DOK7: variants seen among roughly 807,000 people sequenced by gnomAD.
DOK7 encodes docking protein 7.
A neutral mutation model predicts 30.7 loss-of-function variants in DOK7; 32 were observed. The observed-to-expected ratio is 1.04, with a 90% confidence interval of 0.79 to 1.40. The LOEUF is 1.40. Ranked by LOEUF, DOK7 falls within the 40% of genes most tolerant of loss-of-function variation. DOK7 has a pLI of 0.00. For synonymous variants in DOK7, 447 were observed against 324.1 expected (o/e 1.38, Z -4.07); for missense variants, 1,007 against 699.2 (o/e 1.44, Z -4.97).
rs1442105588 is a variant in DOK7 at position 3,494,203 on chromosome 4, G to A, written c.*702G>A. 1 of 985,568 alleles carries A rather than the reference G, an allele frequency of 1.0e-6. No individual in the cohort carries two copies. Among genetic ancestry groups the A allele is most frequent in the Non-Finnish European group, 1.2e-6 (1 of 830,016 alleles). 61.1% of individuals were successfully genotyped at this position (985,568 alleles called of 1,614,324 possible). On this transcript the variant is annotated 3_prime_UTR_variant, in exon 7 of 7. Transcript: ENST00000340083. The stretch of plus-strand genomic sequence containing the variant: ...GAGAGGCGCCGTGCCTCGGGCCCCT[G>A]GTGGGAGCTCTGCTGGCTCCTGTCT...
intron 4 of DOK7, among the ~76,000 whole-genome samples, chr4:3,482,929 C>T (rs1727520925): frequency 6.6e-6 from 1 of 152,032 alleles, no homozygotes. Context: ...CCAGAGGAGG[C>T]GTCCGTGAGA....
At chr4:3,496,264 C>T (rs926466635), downstream of DOK7, among the ~76,000 whole-genome samples, 1 of 152,214 alleles carries the variant, frequency 6.6e-6, no homozygotes, top group Admixed American at 6.5e-5. Context: ...AGAAGGTCGC[C>T]TGCAGTGTCA....
At chr4:3,469,675 C>T (rs1024351555) in intron 2 of DOK7, among the ~76,000 whole-genome samples, 29 of 152,332 alleles carry the variant, frequency 1.9e-4, no homozygotes, top group African/African-American at 4.8e-4. Context: ...AGAGCCGCTG[C>T]GTCCTGGGGC....
intron 4 of DOK7, among the ~76,000 whole-genome samples, chr4:3,481,690 C>T (rs1324253410): frequency 6.6e-6 from 1 of 152,150 alleles, no homozygotes; most frequent in African/African-American, 2.4e-5. Flanking sequence ...CTGGTCACCC[C>T]GATGTTTGTT....
rs1245660714 is a variant in DOK7 at position 3,493,699 on chromosome 4, G to C, written c.*198G>C. On this transcript the variant is annotated 3_prime_UTR_variant, in exon 7 of 7. Transcript: ENST00000340083. The stretch of plus-strand genomic sequence containing the variant: ...GGCTGACTTGGGGAGGTGAGTTCTG[G>C]AAGGCAGGGGCTCTGGGTCCGGCAG... 2 of 1,437,232 alleles carry C rather than the reference G, an allele frequency of 1.4e-6. No homozygotes were observed. The highest frequency in any genetic ancestry group is 2.5e-5 in the East Asian group (1 of 39,684). 89.0% of individuals were successfully genotyped at this position (1,437,232 alleles called of 1,614,324 possible).
rs946069461 is a variant in DOK7 at position 3,494,266 on chromosome 4, G to C, written c.*765G>C. The C allele has an allele frequency of 2.5e-5, 25 of 985,440 alleles. No homozygotes were observed. The South Asian group carries it at 1.1e-3, about 44-fold the overall frequency. 61.0% of individuals were successfully genotyped at this position (985,440 alleles called of 1,614,324 possible). On this transcript the variant is annotated 3_prime_UTR_variant, in exon 7 of 7. Transcript: ENST00000340083. ...AGGGCCAAAGGCTGGCTTGGCCTGT[G>C]TTTCCCCTGGCCCAGGCCTCAGCCC...
intron 2 of DOK7, among the ~76,000 whole-genome samples, chr4:3,472,959 A>G (rs1726845921): frequency 6.6e-6 from 1 of 152,210 alleles, no homozygotes; most frequent in South Asian, 2.1e-4. Flanking sequence ...GAGTGGGCAC[A>G]GGTGTGGCTG....
intron 2 of DOK7, among the ~76,000 whole-genome samples, chr4:3,467,645 GGTGA>G (rs943795764): frequency 1.2e-4 from 18 of 152,042 alleles, no homozygotes; most frequent in East Asian, 1.9e-4. Context: ...TGAGCATTTG[GGTGA>G]GTGTGTAAGA....
chr4:3,490,305 C>CCT (rs1209915786), intron 6 of DOK7, among the ~76,000 whole-genome samples: 2 of 98,914 alleles, frequency 2.0e-5, no homozygotes, highest in African/African-American at 7.1e-5. Context: ...TTCCTCCGCC[C>CCT]CCCCGGCTCA....
In DOK7 at chr4:3,493,475, G is replaced by C. The variant is rs751223916; in HGVS notation, c.1489G>C (p.Gly497Arg). 1.7e-5 allele frequency: 27 copies of C among 1,611,038 alleles called. No individual in the cohort carries two copies. Among genetic ancestry groups the C allele is most frequent in the Non-Finnish European group, 2.0e-5 (24 of 1,179,354 alleles). The change falls in exon 7 of 7, where the codon GGA (glycine) becomes CGA (arginine). Residue 497 changes from glycine to arginine, a missense_variant. Transcript: ENST00000340083. ...AFFSACPVCGGLKVNPPP is the reference protein window; with the variant it reads ...AFFSACPVCGRLKVNPPP ...CTTTTCGGCATGTCCAGTCTGTGGA[G>C]GACTCAAGGTAAACCCCCCTCCTTG... is the stretch of plus-strand genomic sequence containing the variant.
chr4:3,494,488 T>C (rs1728785196), downstream of DOK7: 2 of 985,512 alleles, frequency 2.0e-6, no homozygotes, highest in Non-Finnish European at 1.2e-6. Flanking sequence ...CCTTACCACC[T>C]TGTCCTAGTC....
At position 3,493,984 on chromosome 4, in the gene DOK7, C is replaced by G; in HGVS notation, c.*483C>G. 2 of 976,448 alleles carry G rather than the reference C, an allele frequency of 2.0e-6. No homozygotes were observed. The highest frequency in any genetic ancestry group is 2.4e-6 in the Non-Finnish European group (2 of 830,328). The allele number at this position is 976,448 out of a possible 1,614,324, so 60.5% of individuals were successfully genotyped here. A position where few individuals can be genotyped will look rare whatever the true frequency, so the allele number is the denominator to read the frequency against. On this transcript the variant is annotated 3_prime_UTR_variant, in exon 7 of 7. Transcript: ENST00000340083. ...AGAGGCTCCGGCCACCTGGGCTCCACCAGCCCAGCCCCCCTGGGCTCCGTG... is the reference window on the plus strand; with the variant it reads ...AGAGGCTCCGGCCACCTGGGCTCCAGCAGCCCAGCCCCCCTGGGCTCCGTG...
In DOK7 at chr4:3,492,942, C is replaced by G. The variant is rs376334067; in HGVS notation, c.956C>G (p.Pro319Arg). The G allele has an allele frequency of 1.0e-5, 16 of 1,556,324 alleles. No homozygotes were observed. The highest frequency in any genetic ancestry group is 3.5e-5 in the South Asian group (3 of 85,664). Residue 319 changes from proline to arginine, a missense_variant, in exon 7 of 7, where the codon CCC becomes CGC. Pro to Arg is a moderately radical substitution (Grantham distance 103). Coordinates refer to ENST00000340083, the MANE Select transcript of DOK7 (RefSeq NM_173660.5). ...ATGGTGGGTGCCTCAAGGCCACCCC[C>G]CAAGCCGCTGCGTCCGCGGCAGCTG... ...EAMVGASRPP[P>R]KPLRPRQLQE...
intron 4 of DOK7, among the ~76,000 whole-genome samples, chr4:3,480,530 C>T (rs895473586): frequency 1.7e-4 from 26 of 152,180 alleles, no homozygotes; most frequent in African/African-American, 6.3e-4. Flanking sequence ...ATCACTTGAA[C>T]CTGGGAGTTG....
rs545656850 is a variant in DOK7 at position 3,494,352 on chromosome 4, G to T, written c.*851G>T. 5.1e-6 allele frequency: 5 copies of T among 985,828 alleles called. No homozygotes were observed. In the East Asian group the frequency reaches 4.5e-4, roughly 89 times the overall value. 61.1% of individuals were successfully genotyped at this position (985,828 alleles called of 1,614,324 possible). ...CCCCCGCCCTGGGTGGCTTCCTCTT[G>T]CACAGCCTGGAGCCTGCCCTGACCA... On this transcript the variant is annotated 3_prime_UTR_variant, in exon 7 of 7. Transcript: ENST00000340083.
chr4:3,498,808 C>CATTT (rs965922944), downstream of DOK7, among the ~76,000 whole-genome samples: 3 of 152,244 alleles, frequency 2.0e-5, no homozygotes, highest in African/African-American at 7.2e-5. Context: ...TAGGACCACA[C>CATTT]ATTTGCAGGA....
downstream of DOK7, among the ~76,000 whole-genome samples, chr4:3,495,795 C>CT (rs1728875939): frequency 2.0e-5 from 3 of 152,270 alleles, no homozygotes; most frequent in African/African-American, 4.8e-5. Context: ...CGCCTGCCCC[C>CT]ACCGGGAGCA....
chr4:3,493,837 G>C lies in DOK7; in HGVS notation c.*336G>C. On this transcript the variant is annotated 3_prime_UTR_variant, in exon 7 of 7. Transcript: ENST00000340083. ...CTCGTGCCTTGCACTGGGGTGCCAA[G>C]GGCTGGAGGCCCTGCCGCTGGCCTT... is the stretch of plus-strand genomic sequence containing the variant. 8.3e-7 allele frequency: 1 copy of C among 1,201,308 alleles called. No individual in the cohort carries two copies. The highest frequency in any genetic ancestry group is 1.0e-6 in the Non-Finnish European group (1 of 966,002). 74.4% of individuals were successfully genotyped at this position (1,201,308 alleles called of 1,614,324 possible). A position where few individuals can be genotyped will look rare whatever the true frequency, so the allele number is the denominator to read the frequency against.
At chr4:3,489,493 G>A (rs1451735291) in intron 5 of DOK7, among the ~76,000 whole-genome samples, 184 bp from the exon 6 acceptor site, 1 of 152,190 alleles carries the variant, frequency 6.6e-6, no homozygotes, top group African/African-American at 2.4e-5. Flanking sequence ...CCTGGATAGG[G>A]GTGGTGTGGG....
Sources: allele counts gnomAD v4.1 joint callset (sites outside exome capture counted in the v4.1 genomes callset), GRCh38; gene constraint gnomAD v4.1.1; transcripts MANE v1.5; gene names NCBI Gene and HGNC (gene_info 2026-07-23, HGNC 2026-07-21).